TNRC6C: variants seen among roughly 807,000 people sequenced by gnomAD.
TNRC6C encodes trinucleotide repeat-containing gene 6C protein.
Under a neutral mutation model 153.7 loss-of-function variants are expected in TNRC6C, and 20 were observed. The observed-to-expected ratio is 0.13, with a 90% CI of 0.09 to 0.19. The LOEUF (loss-of-function observed/expected upper bound fraction) is 0.19, where lower values mean the gene tolerates loss of function less well. TNRC6C is among the 10% of genes least tolerant of loss of function. TNRC6C has a pLI of 1.00. For synonymous variants in TNRC6C, 811 were observed against 841.4 expected (o/e 0.96, Z 0.63); for missense variants, 1,987 against 2,172.0 (o/e 0.91, Z 1.69).
exon 20 of TNRC6C, chr17:78,105,477 C>T (rs530664382): frequency 6.6e-6 from 1 of 152,328 alleles, no homozygotes; most frequent in South Asian, 2.1e-4. Flanking sequence ...AAAGACATAT[C>T]AAACATGCAA....
intron 2 of TNRC6C, among the ~76,000 whole-genome samples, chr17:78,048,404 T>C (rs370753226): frequency 1.3e-5 from 2 of 152,360 alleles, no homozygotes; most frequent in African/African-American, 4.8e-5. Flanking sequence ...GTTTCGCCTC[T>C]ATATAATACT....
At chr17:77,997,084 A>G (rs549560568) in intron 1 of TNRC6C, among the ~76,000 whole-genome samples, 2 of 152,304 alleles carry the variant, frequency 1.3e-5, no homozygotes, top group Non-Finnish European at 1.5e-5. Context: ...GTGGCTAGAC[A>G]AGAAGCACCA....
At chr17:78,055,168 T>C (rs1205829756) in intron 3 of TNRC6C, among the ~76,000 whole-genome samples, 1 of 152,246 alleles carries the variant, frequency 6.6e-6, no homozygotes, top group Non-Finnish European at 1.5e-5. Flanking sequence ...AAAACACACA[T>C]TGTACAGCTT....
chr17:78,093,151 A>G (rs2073423055), intron 15 of TNRC6C, 27 bp downstream of exon 17: 2 of 1,607,068 alleles, frequency 1.2e-6, no homozygotes, highest in African/African-American at 2.7e-5. Context: ...CTTCTGTGCA[A>G]CAGCAGCAGG....
chr17:78,073,060 G>A, exon 7 of TNRC6C: 1 of 1,557,128 alleles, frequency 6.4e-7, no homozygotes, highest in Non-Finnish European at 8.7e-7. Flanking sequence ...AGGAGGCCTT[G>A]AAGAGTAACA....
In TNRC6C at chr17:77,996,074, AAAAC is replaced by A. The variant is rs150492249; in HGVS notation, c.-37-8089_-37-8086del. 9.3e-3 allele frequency among the ~76,000 whole-genome samples: 1,419 copies of A among 152,292 alleles called. 20 individuals are homozygous for A. The highest frequency in any genetic ancestry group is 0.031 in the African/African-American group (1,272 of 41,534). On this transcript the variant is annotated intron_variant, in intron 1 of 22. Transcript: ENST00000636222. Reference sequence around the variant, plus strand: ...GAAGAAAGAGTGAGACCCTGTCTCAAAAACAAACAACAATCCTCCCATATTTGTA... The same window carrying A: ...GAAGAAAGAGTGAGACCCTGTCTCAAAAACAACAATCCTCCCATATTTGTA...
Position 78,104,488 on chromosome 17 carries a change from C to T in TNRC6C, c.4716C>T (p.Cys1572=). The T allele has an allele frequency of 1.3e-6, 2 of 1,491,324 alleles. No homozygotes were observed. Among genetic ancestry groups the T allele is most frequent in the Non-Finnish European group, 1.8e-6 (2 of 1,117,098 alleles). The allele number at this position is 1,491,324 out of a possible 1,614,324, so 92.4% of individuals were successfully genotyped here. A position where few individuals can be genotyped will look rare whatever the true frequency, so the allele number is the denominator to read the frequency against. ...GTGCCCCATCTTGCTGTTGCAGGTG[C>T]GTCCTGGGAAACACTACCATCCTGG... The change falls in exon 20 of 20, where the codon TGC becomes TGT. Residue 1572 remains cysteine, a synonymous_variant. Coordinates refer to ENST00000301624, the Ensembl canonical transcript of TNRC6C. This position sits in a 1 kb window ranked among gnomAD's most constrained non-coding sequence, Gnocchi z 6.2.
At chr17:78,055,579 C>T (rs1441001447) in intron 3 of TNRC6C, among the ~76,000 whole-genome samples, 1 of 152,176 alleles carries the variant, frequency 6.6e-6, no homozygotes, top group Admixed American at 6.5e-5. Flanking sequence ...GTCCTGTACG[C>T]AGTCAGTTGA....
At chr17:78,051,519 C>A (rs1331936518) in intron 3 of TNRC6C, 71 bp downstream of exon 5, 1 of 1,328,074 alleles carries the variant, frequency 7.5e-7, no homozygotes, top group East Asian at 2.7e-5. Flanking sequence ...ATTATATATT[C>A]ATGAATACTC....
At chr17:77,974,025 A>G (rs1326375438) in intron 1 of TNRC6C, among the ~76,000 whole-genome samples, 1 of 146,302 alleles carries the variant, frequency 6.8e-6, no homozygotes, top group Non-Finnish European at 1.5e-5. Flanking sequence ...CAGAAATGCA[A>G]AAAGACCTGG....
chr17:78,098,960 C>A (rs537106729), intron 17 of TNRC6C, among the ~76,000 whole-genome samples: 1 of 152,310 alleles, frequency 6.6e-6, no homozygotes, highest in Admixed American at 6.5e-5. Context: ...CAAGATGTCA[C>A]TGGGACGTAA....
In TNRC6C at chr17:78,049,018, A is replaced by G. The variant is rs372047679; in HGVS notation, c.-45A>G. On this transcript the variant is annotated 5_prime_UTR_variant, in exon 3 of 20. Transcript: ENST00000301624. The surrounding 1 kb of genome is among the most constrained non-coding windows in gnomAD (Gnocchi z 4.1). ...GACTGAATCTGCCTCAGAATGTACT[A>G]CAGACACTGACTCTGCCTCCAACTG... is the stretch of plus-strand genomic sequence containing the variant. 3 of 1,464,016 alleles carry G rather than the reference A, an allele frequency of 2.0e-6. No individual in the cohort carries two copies. Among genetic ancestry groups the G allele is most frequent in the East Asian group, 2.4e-5 (1 of 41,058 alleles). 90.7% of individuals were successfully genotyped at this position (1,464,016 alleles called of 1,614,324 possible).
Position 77,993,254 on chromosome 17 carries a change from G to A in TNRC6C, c.-37-10916G>A, listed in dbSNP as rs139079180. On this transcript the variant is annotated intron_variant, in intron 1 of 22. Coordinates refer to the TNRC6C transcript ENST00000636222. ...TGGGATTACAGGCGTGAGCCACCGC[G>A]TGCGGCCCTATCACTTTTTTTTATT... Among the ~76,000 whole-genome samples the A allele has an allele frequency of 9.4e-3, 1,437 of 152,260 alleles. 29 individuals are homozygous for A. Among genetic ancestry groups the A allele is most frequent in the African/African-American group, 0.033 (1,374 of 41,524 alleles).
Position 78,050,899 on chromosome 17 carries a change from A to G in TNRC6C, c.1837A>G (p.Lys613Glu), listed in dbSNP as rs778201969. Residue 613 changes from lysine to glutamate, a missense_variant, in exon 3 of 20, where the codon AAA becomes GAA. By Grantham distance (56) the Lys-to-Glu change is moderately conservative (BLOSUM62 1). This residue lies in a region of TNRC6C where 1,052 missense variants were observed against 1,017.0 expected (regional missense o/e 1.03). Coordinates refer to ENST00000301624, the Ensembl canonical transcript of TNRC6C. ...TGTCCTTGGACACTTGGGGGATGGG[A>G]AAAAAAATGGATCTGGATGGGATGC... The G allele has an allele frequency of 1.9e-5, 30 of 1,613,528 alleles. No homozygotes were observed. Among genetic ancestry groups the G allele is most frequent in the African/African-American group, 8.0e-5 (6 of 74,814 alleles).
At chr17:78,050,163 T>G (rs1437138075) in exon 3 of TNRC6C, 6 of 1,575,834 alleles carry the variant, frequency 3.8e-6, no homozygotes, top group African/African-American at 1.3e-5. Flanking sequence ...AGAGTCCTAG[T>G]GTCACCAGCC....
chr17:78,102,926 C>T, intron 18 of TNRC6C: 1 of 241,006 alleles, frequency 4.1e-6, no homozygotes, highest in Non-Finnish European at 8.1e-6. Flanking sequence ...CACCTGAGCC[C>T]AAGAGTTGGA....
At chr17:78,076,861 C>CT (rs982514493) in intron 8 of TNRC6C, among the ~76,000 whole-genome samples, 1 of 152,182 alleles carries the variant, frequency 6.6e-6, no homozygotes, top group Non-Finnish European at 1.5e-5. Flanking sequence ...CAAAAAGAAT[C>CT]TGTTTATTTG....
Position 77,992,707 on chromosome 17 carries a change from G to T in TNRC6C, c.-37-11463G>T, listed in dbSNP as rs185701850. On this transcript the variant is annotated intron_variant, in intron 1 of 22. Transcript: ENST00000636222. ...GCTAGCGCAAAAAAGAAGCTGTCTA[G>T]TGCATGACTACGTCGCCTGTGTGAG... 8.7e-3 allele frequency among the ~76,000 whole-genome samples: 1,319 copies of T among 152,288 alleles called. 13 individuals carry two copies. The highest frequency in any genetic ancestry group is 0.038 in the South Asian group (184 of 4,822).
chr17:78,036,127 C>T (rs933347251), intron 2 of TNRC6C, among the ~76,000 whole-genome samples: 3 of 152,160 alleles, frequency 2.0e-5, no homozygotes, highest in African/African-American at 7.2e-5. Context: ...TAGCAGTACA[C>T]CATTTCTGAT....
Sources: allele counts gnomAD v4.1 joint callset (sites outside exome capture counted in the v4.1 genomes callset), GRCh38; gene constraint gnomAD v4.1.1; regional missense constraint gnomAD v4.1.1; non-coding constraint Gnocchi (gnomAD v3.1); transcripts MANE v1.5; gene names NCBI Gene and HGNC (gene_info 2026-07-23, HGNC 2026-07-21).